Variants in VPS35 observed in about 807,000 individuals in gnomAD.
VPS35 encodes VPS35 retromer complex component, also known as vacuolar protein sorting-associated protein 35.
VPS35 carries 21 observed loss-of-function variants against 98.1 expected under a neutral mutation model. That is an observed-to-expected ratio of 0.21 (90% CI 0.15 to 0.31). VPS35 has a LOEUF of 0.31. VPS35 is among the 10% of genes least tolerant of loss of function. The probability of loss-of-function intolerance (pLI) is 1.00; values close to 1 mark genes in which losing one functional copy is unlikely to be tolerated. For missense variants in VPS35, 554 were observed against 950.8 expected, an observed-to-expected ratio of 0.58 and a Z score of 5.49; for synonymous variants, 268 against 318.2, an observed-to-expected ratio of 0.84 and a Z score of 1.68.
At chr16:46,663,638 C>CA (rs1965945363) in intron 13 of VPS35, among the ~76,000 whole-genome samples, 1 of 152,022 alleles carries the variant, frequency 6.6e-6, no homozygotes, top group African/African-American at 2.4e-5. Context: ...CTCAAGTGAT[C>CA]TGCCCGCCTC....
intron 8 of VPS35, 66 bp from the exon 9 acceptor site, chr16:46,674,726 G>T: frequency 7.7e-7 from 1 of 1,291,450 alleles, no homozygotes; most frequent in South Asian, 1.3e-5. Flanking sequence ...GATCATGGAT[G>T]ACATCTTATT....
Position 46,683,587 on chromosome 16 carries a change from G to A in VPS35, c.23C>T (p.Pro8Leu), listed in dbSNP as rs1187804419. Residue 8 changes from proline (P) to leucine (L), a missense_variant, in exon 2 of 17, where the codon CCT (proline) becomes CTT (leucine). Coordinates refer to ENST00000299138, the MANE Select transcript of VPS35 (RefSeq NM_018206.6). MPTTQQS[P>L]QDEQEKLLDE... ...CAAGAGCTTTTCCTGCTCATCCTGA[G>A]GGGACTGCTGTGTTGTAGGCTGAAA... 2 of 1,613,396 alleles carry A rather than the reference G, an allele frequency of 1.2e-6. No homozygotes were observed. Among genetic ancestry groups the A allele is most frequent in the Non-Finnish European group, 1.7e-6 (2 of 1,179,722 alleles).
At chr16:46,666,743 T>G (rs1412109919) in intron 13 of VPS35, among the ~76,000 whole-genome samples, 2 of 152,226 alleles carry the variant, frequency 1.3e-5, no homozygotes, top group Non-Finnish European at 2.9e-5. Flanking sequence ...AATGGCAAGA[T>G]TTTCTTCATT....
At chr16:46,684,661 A>AT (rs1291509781) in intron 1 of VPS35, among the ~76,000 whole-genome samples, 2 of 152,200 alleles carry the variant, frequency 1.3e-5, no homozygotes, top group Non-Finnish European at 2.9e-5. Context: ...GTATCACATT[A>AT]TTATTATAAA....
intron 1 of VPS35, among the ~76,000 whole-genome samples, chr16:46,688,092 T>C (rs1396323481): frequency 6.6e-6 from 1 of 152,252 alleles, no homozygotes; most frequent in Non-Finnish European, 1.5e-5. Context: ...AATCACCTTG[T>C]ACGGCAACAC....
At chr16:46,667,830 A>G (rs1161181260) in intron 13 of VPS35, among the ~76,000 whole-genome samples, 1 of 151,980 alleles carries the variant, frequency 6.6e-6, no homozygotes, top group East Asian at 1.9e-4. Flanking sequence ...AGTTTATTGC[A>G]TATGTGTGGG....
In VPS35 at chr16:46,680,651, T is replaced by C. The variant is rs1966221047; in HGVS notation, c.506+20A>G. 2 of 1,611,560 alleles carry C rather than the reference T, an allele frequency of 1.2e-6. No individual in the cohort carries two copies. The highest frequency in any genetic ancestry group is 1.7e-6 in the Non-Finnish European group (2 of 1,178,310). ...AATGAAAGAAATATTGCAACAAAAT[T>C]AAGAAAGAAAATCACTTACTCTGTT... On this transcript the variant is annotated intron_variant, in intron 5 of 16. Transcript: ENST00000299138.
chr16:46,675,424 T>C (rs1359361711), intron 8 of VPS35, among the ~76,000 whole-genome samples: 1 of 152,200 alleles, frequency 6.6e-6, no homozygotes, highest in Non-Finnish European at 1.5e-5. Context: ...TCATTATCAT[T>C]ATCTGTTTGT....
intron 3 of VPS35, 107 bp downstream of exon 3, chr16:46,681,972 C>T (rs1183176279): frequency 1.3e-5 from 11 of 828,678 alleles, no homozygotes; most frequent in South Asian, 1.3e-4. Flanking sequence ...ACTCAGATAA[C>T]GAAGAATAAG....
At position 46,677,312 on chromosome 16, in the gene VPS35, T is replaced by C; in HGVS notation, c.804+3A>G. ...TAAAAAAAAATGAAATGTTCCCAGC[T>C]ACCTGAATAATACACTCCATGAGAT... On this transcript the variant is annotated splice_donor_region_variant and intron_variant, in intron 7 of 16. Transcript: ENST00000299138. 1 of 1,612,638 alleles carries C rather than the reference T, an allele frequency of 6.2e-7. No individual in the cohort carries two copies. The highest frequency in any genetic ancestry group is 8.5e-7 in the Non-Finnish European group (1 of 1,178,800).
rs745500235 is a variant in VPS35, at chr16:46,663,069, A to G, written c.1741T>C (p.Leu581=). 6.2e-7 allele frequency: 1 copy of G among 1,614,226 alleles called. No homozygotes were observed. Among genetic ancestry groups the G allele is most frequent in the South Asian group, 1.1e-5 (1 of 91,080 alleles). ...LIKAELAELP[L]RLFLQGALAA... is the part of the protein sequence containing the mutation. ...AGTGCTCCTTGAAGAAAAAGTCTTAAGGGCAATTCTGCCAGCTCTGCTTTG... is the reference window on the plus strand; with the variant it reads ...AGTGCTCCTTGAAGAAAAAGTCTTAGGGGCAATTCTGCCAGCTCTGCTTTG... The change falls in exon 14 of 17, where the codon TTA becomes CTA. Residue 581 remains leucine (L), a synonymous_variant. Transcript: ENST00000299138.
At chr16:46,682,021 G>C in intron 3 of VPS35, 58 bp downstream of exon 3, 2 of 1,314,578 alleles carry the variant, frequency 1.5e-6, no homozygotes, top group Non-Finnish European at 2.2e-6. Context: ...AAACAAAATA[G>C]GCCTTATCAA....
At chr16:46,686,277 T>C (rs534000551) in intron 1 of VPS35, among the ~76,000 whole-genome samples, 2 of 152,292 alleles carry the variant, frequency 1.3e-5, no homozygotes, top group East Asian at 3.9e-4. Flanking sequence ...ACACTACATT[T>C]TGTTTATCCA....
intron 15 of VPS35, 137 bp downstream of exon 15, chr16:46,662,106 T>C: frequency 6.6e-7 from 1 of 1,512,106 alleles, no homozygotes; most frequent in Non-Finnish European, 9.0e-7. Flanking sequence ...TGAGACTCTC[T>C]TTTTTAACAA....
intron 13 of VPS35, among the ~76,000 whole-genome samples, chr16:46,665,588 C>A (rs183672): frequency 6.8e-6 from 1 of 146,642 alleles, no homozygotes. Context: ...AAGACCTTGA[C>A]TCAAAAAAAA....
At chr16:46,679,209 C>T in intron 5 of VPS35, 53 bp from the exon 6 acceptor site, 2 of 1,449,650 alleles carry the variant, frequency 1.4e-6, no homozygotes, top group Non-Finnish European at 1.9e-6. Flanking sequence ...CAACTTACTA[C>T]TATCCTTCTC....
At chr16:46,666,046 G>C (rs1965984274) in intron 13 of VPS35, among the ~76,000 whole-genome samples, 1 of 151,922 alleles carries the variant, frequency 6.6e-6, no homozygotes, top group Non-Finnish European at 1.5e-5. Context: ...TGGGATTACA[G>C]GCATGTGCCC....
Position 46,660,639 on chromosome 16 carries a change from C to A in VPS35, c.2224G>T (p.Val742Phe). The change falls in exon 17 of 17, where the codon GTT becomes TTT. Residue 742 changes from valine to phenylalanine, a missense_variant. By Grantham distance (50) the Val-to-Phe change is conservative. Coordinates refer to ENST00000299138, the MANE Select transcript of VPS35 (RefSeq NM_018206.6). ...EKENDAVTIQ[V>F]LNQLIQKIRE... ...ATCTTTTGGATAAGCTGGTTTAAAA[C>A]CTGAATTGTTACCTACAAAAGAATA... 1 of 1,613,724 alleles carries A rather than the reference C, an allele frequency of 6.2e-7. No individual in the cohort carries two copies. Among genetic ancestry groups the A allele is most frequent in the South Asian group, 1.1e-5 (1 of 91,076 alleles).
chr16:46,660,950 C>T (rs1453597418), intron 16 of VPS35: 2 of 415,224 alleles, frequency 4.8e-6, no homozygotes, highest in Non-Finnish European at 9.1e-6. Context: ...GTTTTGAGAC[C>T]AGCCTGGCCA....
Sources: gnomAD v4.1 joint callset for allele counts (sites outside exome capture counted in the v4.1 genomes callset) on GRCh38, gnomAD v4.1.1 for gene constraint, MANE v1.5 for transcripts, NCBI Gene and HGNC (gene_info 2026-07-23, HGNC 2026-07-21) for gene names.